Variants in FAT2 observed in about 807,000 individuals in gnomAD.
FAT2 encodes the protein FAT atypical cadherin 2.
In FAT2, 150 loss-of-function variants were observed where a neutral mutation model predicts 295.3. The observed-to-expected ratio is 0.51, with a 90% CI of 0.44 to 0.58. The LOEUF is 0.58. Among genes scored for constraint, FAT2 ranks in the 20% least tolerant of loss-of-function variants. FAT2 has a pLI of 0.00. For synonymous variants in FAT2, 2,026 were observed against 2,150.3 expected, an observed-to-expected ratio of 0.94 and a Z score of 1.60; for missense variants, 4,868 against 5,442.7, an observed-to-expected ratio of 0.89 and a Z score of 3.32.
Position 151,544,615 on chromosome 5 carries a change from A to G in FAT2, c.6512T>C (p.Phe2171Ser). 2 of 1,614,072 alleles carry G rather than the reference A, an allele frequency of 1.2e-6. No individual in the cohort carries two copies. The highest frequency in any genetic ancestry group is 1.1e-5 in the South Asian group (1 of 91,066). Residue 2171 changes from phenylalanine to serine, a missense_variant, in exon 10 of 24, where the codon TTT becomes TCT. By Grantham distance (155) the Phe-to-Ser change is radical. Coordinates refer to ENST00000261800, the MANE Select transcript of FAT2 (RefSeq NM_001447.3). ...TCTGACTTTGTAATAAGGACTCTGA[A>G]ACAGTGGGTTGGATTTATTTCTCAC... ...VTVRNKSNPL[F>S]QSPYYKVRVP... is the part of the protein sequence containing the mutation.
rs1188360236 is a variant in FAT2 at position 151,544,360 on chromosome 5, G to A, written c.6767C>T (p.Ala2256Val). The A allele has an allele frequency of 1.9e-6, 3 of 1,614,180 alleles. No homozygotes were observed. The highest frequency in any genetic ancestry group is 2.2e-5 in the East Asian group (1 of 44,882). ...ATCCTCCACTAGGACTTCCACTGTG[G>A]CTTCAGAAAATGACCCCAGAGCTGT... ...TDTALGSFSE[A>V]TVEVLVEDVN... is the part of the protein sequence containing the mutation. The change falls in exon 10 of 24, where the codon GCC (alanine) becomes GTC (valine). Residue 2256 changes from alanine to valine, a missense_variant. This residue lies in a region of FAT2 where 3,297 missense variants were observed against 3,669.4 expected (regional missense o/e 0.90). Coordinates refer to ENST00000261800, the MANE Select transcript of FAT2 (RefSeq NM_001447.3).
At chr5:151,506,120 G>C (rs752293143) in intron 23 of FAT2, 23 bp from the exon 24 acceptor site, 16 of 1,488,742 alleles carry the variant, frequency 1.1e-5, no homozygotes, top group Non-Finnish European at 1.4e-5. Context: ...AGCAAGATAG[G>C]GTGAGCTCAT....
intron 5 of FAT2, 116 bp from the exon 6 acceptor site, chr5:151,553,503 GTCAT>G (rs1757409192): frequency 1.1e-6 from 1 of 870,950 alleles, no homozygotes; most frequent in Non-Finnish European, 1.8e-6. Flanking sequence ...CTCTCATCCA[GTCAT>G]TCATTCATCT....
intron 1 of FAT2, among the ~76,000 whole-genome samples, chr5:151,584,296 C>T (rs766413759): frequency 1.3e-5 from 2 of 152,214 alleles, no homozygotes; most frequent in South Asian, 2.1e-4. Context: ...CACAGAACCG[C>T]GAGGACAATG....
Position 151,507,255 on chromosome 5 carries a change from G to T in FAT2, c.12416C>A (p.Pro4139Gln), listed in dbSNP as rs1334782787. 3 of 1,614,066 alleles carry T rather than the reference G, an allele frequency of 1.9e-6. No homozygotes were observed. Among genetic ancestry groups the T allele is most frequent in the Non-Finnish European group, 2.5e-6 (3 of 1,180,040 alleles). Residue 4139 changes from proline (P) to glutamine (Q), a missense_variant, in exon 23 of 24, where the codon CCA becomes CAA. By Grantham distance (76) the Pro-to-Gln change is moderately conservative. Transcript: ENST00000261800. ...TCTGGGGGGCACACTGCAGACCACTGGCCGTTGCTTAGAATTGGGTCCAAA... is the reference window on the plus strand; with the variant it reads ...TCTGGGGGGCACACTGCAGACCACTTGCCGTTGCTTAGAATTGGGTCCAAA... ...VTFGPNSKQR[P>Q]VVCSVPPRLP... is the part of the protein sequence containing the mutation.
At chr5:151,527,112 G>A in intron 17 of FAT2, 122 bp downstream of exon 17, 1 of 1,011,980 alleles carries the variant, frequency 9.9e-7, no homozygotes, top group South Asian at 1.6e-5. Context: ...GTTGCCTTTG[G>A]GGACATCAGT....
At chr5:151,532,888 A>G (rs1330795824) in intron 13 of FAT2, among the ~76,000 whole-genome samples, 1 of 152,236 alleles carries the variant, frequency 6.6e-6, no homozygotes, top group African/African-American at 2.4e-5. Context: ...TGACAGGAGT[A>G]GCCTCTGAGA....
rs1754578892 is a variant in FAT2 at position 151,531,395 on chromosome 5, C to G, written c.9811+192G>C. On this transcript the variant is annotated intron_variant, in intron 14 of 23. Coordinates refer to ENST00000261800, the MANE Select transcript of FAT2 (RefSeq NM_001447.3). The surrounding 1 kb of genome is among the most constrained non-coding windows in gnomAD (Gnocchi z 5.7). The stretch of plus-strand genomic sequence containing the variant: ...GGAGGGTCCCGTTTAAGGGAGGCTC[C>G]CACATAAGCTGGCCCCAGGGTGGAA... Among the ~76,000 whole-genome samples, 2 of 152,098 alleles carry G rather than the reference C, an allele frequency of 1.3e-5. No individual in the cohort carries two copies. The highest frequency in any genetic ancestry group is 2.4e-5 in the African/African-American group (1 of 41,420).
Position 151,543,491 on chromosome 5 carries a change from C to T in FAT2, c.7636G>A (p.Glu2546Lys). 6.2e-7 allele frequency: 1 copy of T among 1,614,176 alleles called. No homozygotes were observed. Among genetic ancestry groups the T allele is most frequent in the South Asian group, 1.1e-5 (1 of 91,070 alleles). The change falls in exon 10 of 24, where the codon GAA becomes AAA. Residue 2546 changes from glutamate to lysine, a missense_variant. Transcript: ENST00000261800. The part of the protein sequence containing the change: ...QIATLQKLDR[E>K]NSTERVIAIK... ...GCAATGACTCTCTCTGTTGAATTTT[C>T]CCGATCCAGTTTCTGCAGAGTGGCA...
rs758082462 is a variant in FAT2, at chr5:151,568,453, T to C, written c.479A>G (p.Asp160Gly). The C allele has an allele frequency of 6.2e-7, 1 of 1,614,034 alleles. No homozygotes were observed. The highest frequency in any genetic ancestry group is 1.7e-5 in the Admixed American group (1 of 60,002). The part of the protein sequence containing the change: ...PPSYRVTISE[D>G]MPLKSPICKV... The stretch of plus-strand genomic sequence containing the variant: ...GCAGATGGGGCTCTTCAGGGGCATG[T>C]CCTCAGAGATGGTGACTCTGTACGA... Residue 160 changes from aspartate to glycine, a missense_variant, in exon 2 of 24, where the codon GAC (aspartate) becomes GGC (glycine). Physicochemically the swap from Asp to Gly is moderately conservative, Grantham distance 94. Coordinates refer to ENST00000261800, the MANE Select transcript of FAT2 (RefSeq NM_001447.3).
At chr5:151,537,329 GAAAGAAAAGA>G (rs150846794) in intron 12 of FAT2, among the ~76,000 whole-genome samples, 82 of 101,668 alleles carry the variant, frequency 8.1e-4, no homozygotes, top group Non-Finnish European at 1.2e-3. Context: ...GAGAAAAAAA[GAAAGAAAAGA>G]AAAGAAAAGA....
intron 3 of FAT2, among the ~76,000 whole-genome samples, chr5:151,559,363 C>T (rs558198860): frequency 1.3e-5 from 2 of 152,182 alleles, no homozygotes; most frequent in South Asian, 2.1e-4. Context: ...GAAAGACACA[C>T]TCCTGTAGGA....
intron 1 of FAT2, among the ~76,000 whole-genome samples, chr5:151,585,720 A>G (rs541460716): frequency 2.8e-4 from 43 of 152,350 alleles, no homozygotes; most frequent in African/African-American, 1.0e-3. Flanking sequence ...GGGATCTGAT[A>G]GGGTTCTCTA....
chr5:151,552,926 T>G (rs116119042), intron 6 of FAT2, among the ~76,000 whole-genome samples: 1 of 152,324 alleles, frequency 6.6e-6, no homozygotes, highest in African/African-American at 2.4e-5. Context: ...TTGGGGTAAC[T>G]GAGGCACTGC....
intron 1 of FAT2, among the ~76,000 whole-genome samples, chr5:151,576,411 C>T (rs185146213): frequency 6.6e-6 from 1 of 152,134 alleles, no homozygotes; most frequent in African/African-American, 2.4e-5. Flanking sequence ...TTCACTCACC[C>T]CTAGTTTAAA....
At chr5:151,558,390 C>T (rs141598530) in intron 3 of FAT2, among the ~76,000 whole-genome samples, 67 of 152,098 alleles carry the variant, frequency 4.4e-4, no homozygotes, top group Admixed American at 1.4e-3. Context: ...CCGAAGCGGG[C>T]GGATCACCTG....
intron 3 of FAT2, among the ~76,000 whole-genome samples, chr5:151,557,009 C>CCT (rs1757756839): frequency 6.6e-6 from 1 of 152,118 alleles, no homozygotes; most frequent in Non-Finnish European, 1.5e-5. Context: ...CCAGCTACTT[C>CCT]CTGCTTTCTC....
chr5:151,558,321 A>C (rs1757874750), intron 3 of FAT2, among the ~76,000 whole-genome samples: 1 of 152,174 alleles, frequency 6.6e-6, no homozygotes, highest in South Asian at 2.1e-4. Context: ...TTGAGTAAAA[A>C]AGGCAGCTTG....
rs2127586376 is a variant in FAT2, at chr5:151,527,313, G to A, written c.10229C>T (p.Thr3410Ile). ...DSGQPPLHED[T>I]DIAIQVADVN... The stretch of plus-strand genomic sequence containing the variant: ...ATCAGCCACTTGGATAGCGATGTCT[G>A]TGTCCTCATGCAGTGGAGGCTGCCC... The change falls in exon 17 of 24, where the codon ACA becomes ATA. Residue 3410 changes from threonine (T) to isoleucine (I), a missense_variant. Around this residue, in one of 5 missense-constraint regions of FAT2, gnomAD observed 1,046 missense variants for 1,210.1 expected, o/e 0.86. Transcript: ENST00000261800. 6.2e-7 allele frequency: 1 copy of A among 1,613,746 alleles called. No individual in the cohort carries two copies. The highest frequency in any genetic ancestry group is 1.1e-5 in the South Asian group (1 of 91,038).
Sources: gnomAD v4.1 joint callset for allele counts (sites outside exome capture counted in the v4.1 genomes callset) on GRCh38, gnomAD v4.1.1 for gene constraint, gnomAD v4.1.1 regional missense constraint, Gnocchi (gnomAD v3.1) non-coding constraint, MANE v1.5 for transcripts, NCBI Gene and HGNC (gene_info 2026-07-23, HGNC 2026-07-21) for gene names.